RARB: variants seen among roughly 807,000 people sequenced by gnomAD.
RARB encodes retinoic acid receptor beta.
In RARB, 17 loss-of-function variants were observed where a neutral mutation model predicts 51.9. That is an observed-to-expected ratio of 0.33 (90% confidence interval 0.22 to 0.49). The LOEUF (loss-of-function observed/expected upper bound fraction) is 0.49, where lower values mean the gene tolerates loss of function less well. Ranked by LOEUF, RARB falls within the 20% of genes least tolerant of loss-of-function variation. The pLI is 0.99. For synonymous variants in RARB, 215 were observed against 195.4 expected (o/e 1.10, Z -0.84); for missense variants, 369 against 550.8 (o/e 0.67, Z 3.30).
At chr3:24,874,686 T>A (rs1703009176) in intron 2 of RARB, among the ~76,000 whole-genome samples, 1 of 152,018 alleles carries the variant, frequency 6.6e-6, no homozygotes. Context: ...TTTACATAGC[T>A]TTTTTCTTTT....
chr3:24,957,428 C>T (rs1030524904), intron 2 of RARB, among the ~76,000 whole-genome samples: 3 of 152,126 alleles, frequency 2.0e-5, no homozygotes, highest in Non-Finnish European at 4.4e-5. Flanking sequence ...TAAGAGTTGT[C>T]AGTCTGTGGA....
rs149482279 is a variant in RARB, at chr3:25,294,562, G to C, written c.178+119987G>C. Reference sequence around the variant, plus strand: ...TACCCCTCTCCCAACCCAGGCTGAAGGGACTACAGGAAGAGATGGTGCTGT... The same window carrying C: ...TACCCCTCTCCCAACCCAGGCTGAACGGACTACAGGAAGAGATGGTGCTGT... On this transcript the variant is annotated intron_variant, in intron 5 of 11. Coordinates refer to the RARB transcript ENST00000383772. 3.9e-3 allele frequency among the ~76,000 whole-genome samples: 601 copies of C among 152,290 alleles called. 3 individuals are homozygous for C. Among genetic ancestry groups the C allele is most frequent in the Non-Finnish European group, 6.5e-3 (440 of 68,026 alleles).
At chr3:25,123,050 A>G (rs529658895) in intron 3 of RARB, among the ~76,000 whole-genome samples, 3 of 152,106 alleles carry the variant, frequency 2.0e-5, no homozygotes, top group African/African-American at 7.3e-5. Context: ...AATGGCAACA[A>G]TTCAATTCTC....
intron 3 of RARB, among the ~76,000 whole-genome samples, chr3:25,538,805 T>A (rs376868765): frequency 6.6e-6 from 1 of 152,256 alleles, no homozygotes; most frequent in Admixed American, 6.5e-5. Context: ...TGAGATGCTG[T>A]ACAACAGGTT....
intron 2 of RARB, among the ~76,000 whole-genome samples, chr3:24,952,086 A>G (rs1175357896): frequency 6.6e-6 from 1 of 152,180 alleles, no homozygotes; most frequent in East Asian, 1.9e-4. Flanking sequence ...TTTGAAAGTA[A>G]CATTTGCAGC....
chr3:25,501,623 C>T (rs778393162), intron 3 of RARB, among the ~76,000 whole-genome samples: 1 of 152,174 alleles, frequency 6.6e-6, no homozygotes, highest in African/African-American at 2.4e-5. Context: ...CACAGTCACA[C>T]GGTGACTCCA....
intron 2 of RARB, among the ~76,000 whole-genome samples, chr3:24,880,396 TAAAAG>T (rs1703136717): frequency 6.6e-6 from 1 of 152,106 alleles, no homozygotes; most frequent in Admixed American, 6.5e-5. Context: ...CTTGGAGAGA[TAAAAG>T]AAGATAAAGC....
chr3:24,907,499 T>TTATTATTAAAC (rs1559391190), intron 2 of RARB, among the ~76,000 whole-genome samples: 108 of 152,178 alleles, frequency 7.1e-4, no homozygotes, highest in African/African-American at 2.2e-3. Flanking sequence ...TATTATTAAA[T>TTATTATTAAAC]GTGGTTAAAT....
At chr3:25,236,731 A>G (rs751236355) in intron 5 of RARB, among the ~76,000 whole-genome samples, 34 of 152,206 alleles carry the variant, frequency 2.2e-4, no homozygotes, top group East Asian at 3.9e-4. Context: ...TTAGCATTTC[A>G]TATTGAATTT....
intron 2 of RARB, among the ~76,000 whole-genome samples, chr3:24,897,161 C>T (rs62230565): frequency 0.011 from 1,653 of 152,326 alleles, 9 homozygotes; most frequent in Non-Finnish European, 0.016. Flanking sequence ...TAAAGCAGGA[C>T]ATTGCCATTT....
At chr3:25,404,721 A>C (rs939324945) in intron 5 of RARB, among the ~76,000 whole-genome samples, 30 of 152,170 alleles carry the variant, frequency 2.0e-4, no homozygotes, top group Non-Finnish European at 3.5e-4. Context: ...GTTGCCCACA[A>C]AGAGAAAAGC....
intron 4 of RARB, among the ~76,000 whole-genome samples, chr3:25,159,875 C>T (rs1239200434): frequency 2.6e-5 from 4 of 152,158 alleles, no homozygotes; most frequent in Admixed American, 6.5e-5. Context: ...ACACCCCAAA[C>T]ACCCACAAAG....
intron 4 of RARB, among the ~76,000 whole-genome samples, chr3:25,166,300 C>T (rs903766477): frequency 3.3e-5 from 5 of 152,130 alleles, no homozygotes; most frequent in African/African-American, 7.2e-5. Flanking sequence ...TCTTTACATC[C>T]ATGTTTCTTT....
intron 4 of RARB, among the ~76,000 whole-genome samples, chr3:25,139,205 A>G (rs544210947): frequency 6.6e-6 from 1 of 152,168 alleles, no homozygotes; most frequent in Non-Finnish European, 1.5e-5. Flanking sequence ...CCTCTAAATG[A>G]AAGAAAGAGT....
At chr3:25,428,944 A>T in intron 1 of RARB, 56 bp downstream of exon 1, 1 of 1,540,330 alleles carries the variant, frequency 6.5e-7, no homozygotes, top group Non-Finnish European at 8.8e-7. Flanking sequence ...TCTCTCTTGC[A>T]TGCAATAAAG....
chr3:25,414,052 C>G (rs1707637410), intron 5 of RARB, among the ~76,000 whole-genome samples: 1 of 127,868 alleles, frequency 7.8e-6, no homozygotes, highest in Non-Finnish European at 1.6e-5. Context: ...CTTTTGTAAT[C>G]TTGCCCTCCT....
chr3:25,171,485 TAAAAAA>T (rs10559921), intron 4 of RARB, among the ~76,000 whole-genome samples: 3 of 9,966 alleles, frequency 3.0e-4, no homozygotes, highest in African/African-American at 9.9e-4. Context: ...ATAAGCAGTT[TAAAAAA>T]AAAAAAAAAA....
intron 2 of RARB, among the ~76,000 whole-genome samples, chr3:24,916,268 GAA>G (rs1277796052): frequency 1.3e-5 from 2 of 152,032 alleles, no homozygotes; most frequent in African/African-American, 2.4e-5. Flanking sequence ...AAAAGAGAAA[GAA>G]AGTTGAAAAG....
At chr3:25,594,419 A>G in intron 6 of RARB, 101 bp from the exon 7 acceptor site, 1 of 1,244,974 alleles carries the variant, frequency 8.0e-7, no homozygotes, top group African/African-American at 1.5e-5. Flanking sequence ...TAATTGAATT[A>G]CCAAATTAAT....
Sources: gnomAD v4.1 joint callset for allele counts (sites outside exome capture counted in the v4.1 genomes callset) on GRCh38, gnomAD v4.1.1 for gene constraint, MANE v1.5 for transcripts, NCBI Gene and HGNC (gene_info 2026-07-23, HGNC 2026-07-21) for gene names.